Variants in PPM1B observed in about 807,000 individuals in gnomAD.
PPM1B encodes protein phosphatase, Mg2+/Mn2+ dependent 1B.
PPM1B carries 22 observed loss-of-function variants against 43.0 expected under a neutral mutation model. The observed-to-expected ratio is 0.51, with a 90% confidence interval of 0.37 to 0.73. The LOEUF is 0.73. Ranked by LOEUF, PPM1B falls within the 30% of genes least tolerant of loss-of-function variation. The pLI is 0.00. For missense variants in PPM1B, 632 were observed against 584.2 expected, an observed-to-expected ratio of 1.08 and a Z score of -0.84; for synonymous variants, 217 against 197.9, an observed-to-expected ratio of 1.10 and a Z score of -0.81.
At chr2:44,211,864 C>T (rs1005414879) in intron 3 of PPM1B, among the ~76,000 whole-genome samples, 30 of 150,950 alleles carry the variant, frequency 2.0e-4, no homozygotes, top group African/African-American at 7.3e-4. Context: ...ATTCTCCTGC[C>T]TCACCCTTCT....
chr2:44,235,141 C>G (rs1400242447), downstream of PPM1B, among the ~76,000 whole-genome samples: 1 of 152,132 alleles, frequency 6.6e-6, no homozygotes, highest in Non-Finnish European at 1.5e-5. Flanking sequence ...TATTAGAGGA[C>G]TTTTCTTAGT....
downstream of PPM1B, among the ~76,000 whole-genome samples, chr2:44,245,031 T>C (rs998027295): frequency 1.3e-5 from 2 of 151,972 alleles, no homozygotes; most frequent in African/African-American, 4.8e-5. Flanking sequence ...CTATCAACAA[T>C]TTACGTATCC....
chr2:44,189,886 G>T (rs548027500), intron 1 of PPM1B, among the ~76,000 whole-genome samples: 1 of 152,020 alleles, frequency 6.6e-6, no homozygotes, highest in African/African-American at 2.4e-5. Flanking sequence ...TCATTGCTTC[G>T]TGTTTTACAC....
intron 5 of PPM1B, chr2:44,229,855 T>C (rs886686225): frequency 2.4e-6 from 2 of 817,292 alleles, no homozygotes; most frequent in Admixed American, 3.2e-5. Context: ...GAATACTTAA[T>C]TTATTTTTAT....
At position 44,178,472 on chromosome 2, in the gene PPM1B, A is replaced by AT. The variant is rs1312865423; in HGVS notation, c.-15+9199dup. Among the ~76,000 whole-genome samples, 453 of 71,238 alleles carry AT rather than the reference A, an allele frequency of 6.4e-3. 2 individuals carry two copies. Among genetic ancestry groups the AT allele is most frequent in the African/African-American group, 0.018 (421 of 22,894 alleles). 46.7% of individuals were successfully genotyped at this position (71,238 alleles called of 152,430 possible). A position where few individuals can be genotyped will look rare whatever the true frequency, so the allele number is the denominator to read the frequency against. On this transcript the variant is annotated intron_variant, in intron 1 of 5. Coordinates refer to ENST00000282412, the MANE Select transcript of PPM1B (RefSeq NM_002706.6). ...TATATGTATATATATATATATATAT[A>AT]TATTTTTTTTTTTAGACAGAGTTTC...
chr2:44,224,251 T>C (rs966043540), intron 5 of PPM1B, among the ~76,000 whole-genome samples: 4 of 152,014 alleles, frequency 2.6e-5, no homozygotes, highest in Non-Finnish European at 4.4e-5. Context: ...GTCAGGAGAT[T>C]GAGACCATCC....
intron 1 of PPM1B, among the ~76,000 whole-genome samples, chr2:44,196,377 ATTTTG>A (rs1668663353): frequency 6.6e-6 from 1 of 152,022 alleles, no homozygotes; most frequent in Non-Finnish European, 1.5e-5. Flanking sequence ...GTTATTATGG[ATTTTG>A]TTTTGGAGGA....
At chr2:44,241,857 C>CTTTTTTTT (rs397984437) in intron 5 of PPM1B, among the ~76,000 whole-genome samples, 6,671 of 90,856 alleles carry the variant, frequency 0.073, 1,428 homozygotes, top group African/African-American at 0.18. Context: ...AGAAAATAAT[C>CTTTTTTTT]TTTTTTTTTT....
In PPM1B at chr2:44,231,100, G is replaced by A; in HGVS notation, c.*382G>A. On this transcript the variant is annotated 3_prime_UTR_variant, in exon 6 of 6. Transcript: ENST00000282412. ...CTGCTTCATATTATTTTACCTATTA[G>A]TACACTCATAGTTAGCTTTGTAATA... 1.1e-6 allele frequency: 1 copy of A among 910,470 alleles called. No homozygotes were observed. 56.4% of individuals were successfully genotyped at this position (910,470 alleles called of 1,614,324 possible).
Position 44,211,485 on chromosome 2 carries a change from T to C in PPM1B, c.964+2158T>C, listed in dbSNP as rs147994714. Among the ~76,000 whole-genome samples, 804 of 152,286 alleles carry C rather than the reference T, an allele frequency of 5.3e-3. 10 individuals are homozygous for C. Among genetic ancestry groups the C allele is most frequent in the African/African-American group, 0.019 (775 of 41,562 alleles). ...TCAGTGCATCACAATCAGGGAGGCATGTGATGTTGATTTATAATGTTAACA... is the reference window on the plus strand; with the variant it reads ...TCAGTGCATCACAATCAGGGAGGCACGTGATGTTGATTTATAATGTTAACA... On this transcript the variant is annotated intron_variant, in intron 3 of 5. Transcript: ENST00000282412.
At chr2:44,179,303 C>T (rs902590327) in intron 1 of PPM1B, among the ~76,000 whole-genome samples, 3 of 152,182 alleles carry the variant, frequency 2.0e-5, no homozygotes, top group Non-Finnish European at 4.4e-5. Flanking sequence ...ATGTCTTTAT[C>T]TGCAGTGTGA....
chr2:44,226,971 TATGA>T lies in PPM1B; in HGVS notation c.1135-3421_1135-3418del, dbSNP rs151051302. Among the ~76,000 whole-genome samples, 364 of 142,580 alleles carry T rather than the reference TATGA, an allele frequency of 2.6e-3. 3 individuals carry two copies. Among genetic ancestry groups the T allele is most frequent in the Middle Eastern group, 0.011 (3 of 272 alleles). The allele number at this position is 142,580 out of a possible 152,430, so 93.5% of individuals were successfully genotyped here. A position where few individuals can be genotyped will look rare whatever the true frequency, so the allele number is the denominator to read the frequency against. Reference sequence around the variant, plus strand: ...TTATTTATTTATTTATTTATTTATTTATGAATGAATGAATGAATGAATGACAGGG... The same window carrying T: ...TTATTTATTTATTTATTTATTTATTTATGAATGAATGAATGAATGACAGGG... On this transcript the variant is annotated intron_variant, in intron 5 of 5. Coordinates refer to ENST00000282412, the MANE Select transcript of PPM1B (RefSeq NM_002706.6).
chr2:44,235,933 A>G (rs1036954882), downstream of PPM1B, among the ~76,000 whole-genome samples: 1 of 151,990 alleles, frequency 6.6e-6, no homozygotes, highest in Non-Finnish European at 1.5e-5. Context: ...ATTAAAAAAA[A>G]CTCAAATTTT....
chr2:44,220,444 TG>T (rs1031029678), intron 5 of PPM1B, among the ~76,000 whole-genome samples: 5 of 152,022 alleles, frequency 3.3e-5, no homozygotes, highest in African/African-American at 1.2e-4. Flanking sequence ...ACTATGAAAC[TG>T]GGGGGAAATG....
At chr2:44,231,607 A>G, downstream of PPM1B, 2 of 295,632 alleles carry the variant, frequency 6.8e-6, no homozygotes, top group Non-Finnish European at 1.0e-5. Context: ...TTCATTAACA[A>G]AAAGGAAAAG....
At chr2:44,218,741 T>C in intron 5 of PPM1B, 1 of 499,130 alleles carries the variant, frequency 2.0e-6, no homozygotes, top group South Asian at 2.2e-5. Flanking sequence ...TAGATAGTTT[T>C]GTTGTCACTT....
At chr2:44,204,110 T>C (rs528589269) in intron 2 of PPM1B, among the ~76,000 whole-genome samples, 169 of 152,340 alleles carry the variant, frequency 1.1e-3, no homozygotes, top group African/African-American at 3.9e-3. Context: ...TTCCTTCTAA[T>C]GGAGCTGCAT....
chr2:44,237,907 T>C (rs1283156896), downstream of PPM1B, among the ~76,000 whole-genome samples: 1 of 152,156 alleles, frequency 6.6e-6, no homozygotes, highest in Admixed American at 6.6e-5. Context: ...ATTTATTATT[T>C]ATTATTATTT....
intron 1 of PPM1B, among the ~76,000 whole-genome samples, chr2:44,196,199 C>T (rs541340047): frequency 5.3e-5 from 8 of 152,198 alleles, no homozygotes; most frequent in Non-Finnish European, 8.8e-5. Flanking sequence ...GGATGTACCA[C>T]GTTACATTTA....
Sources: allele counts gnomAD v4.1 joint callset (sites outside exome capture counted in the v4.1 genomes callset), GRCh38; gene constraint gnomAD v4.1.1; transcripts MANE v1.5; gene names NCBI Gene and HGNC (gene_info 2026-07-23, HGNC 2026-07-21).